Variants in GPC5 observed in about 807,000 individuals in gnomAD.
GPC5 encodes the protein glypican 5.
GPC5 carries 47 observed loss-of-function variants against 53.9 expected under a neutral mutation model. The observed-to-expected ratio is 0.87, with a 90% confidence interval of 0.69 to 1.11. The LOEUF is 1.11. Ranked by LOEUF, GPC5 falls within the 50% of genes most tolerant of loss-of-function variation. GPC5 has a pLI of 0.00. For synonymous variants in GPC5, 286 were observed against 263.3 expected (o/e 1.09, Z -0.84); for missense variants, 748 against 713.1 (o/e 1.05, Z -0.56).
chr13:92,571,773 G>A (rs530034294), intron 7 of GPC5, among the ~76,000 whole-genome samples: 1 of 152,232 alleles, frequency 6.6e-6, no homozygotes, highest in South Asian at 2.1e-4. Context: ...TTACAAAAAT[G>A]TGAGCTTGTA....
In GPC5 at chr13:91,878,481, A is replaced by T. The variant is rs117773962; in HGVS notation, c.1281-29456A>T. Reference sequence around the variant, plus strand: ...AATTAGAACATATTACAATTATTTTATACATAAGATAATTGAGTGATATGG... The same window carrying T: ...AATTAGAACATATTACAATTATTTTTTACATAAGATAATTGAGTGATATGG... On this transcript the variant is annotated intron_variant, in intron 5 of 7. Coordinates refer to ENST00000377067, the MANE Select transcript of GPC5 (RefSeq NM_004466.6). 2.1e-3 allele frequency among the ~76,000 whole-genome samples: 319 copies of T among 152,318 alleles called. 6 individuals are homozygous for T. The East Asian group carries it at 0.058, about 28-fold the overall frequency.
Position 92,527,182 on chromosome 13 carries a change from GAAGAA to G in GPC5, c.1562-339098_1562-339094del, listed in dbSNP as rs1881349145. On this transcript the variant is annotated intron_variant, in intron 7 of 7. Coordinates refer to ENST00000377067, the MANE Select transcript of GPC5 (RefSeq NM_004466.6). ...AAAGAAAGAAAGAAAGAGAAAGAAAGAAGAAAGAAAGAAAGAAAGAAAGAAAGAAA... is the reference window on the plus strand; with the variant it reads ...AAAGAAAGAAAGAAAGAGAAAGAAAGAGAAAGAAAGAAAGAAAGAAAGAAA... Among the ~76,000 whole-genome samples, 4 of 45,102 alleles carry G rather than the reference GAAGAA, an allele frequency of 8.9e-5. 1 individual carries two copies. The highest frequency in any genetic ancestry group is 3.1e-4 in the African/African-American group (4 of 12,874). 29.6% of individuals were successfully genotyped at this position (45,102 alleles called of 152,430 possible).
chr13:92,784,882 A>ATATTTATTATAG, intron 7 of GPC5, among the ~76,000 whole-genome samples: 1 of 152,332 alleles, frequency 6.6e-6, no homozygotes, highest in East Asian at 1.9e-4. Flanking sequence ...TTAAATATGT[A>ATATTTATTATAG]ACACAAATTA....
chr13:92,120,117 A>G (rs1052760293), intron 6 of GPC5, among the ~76,000 whole-genome samples: 2 of 152,232 alleles, frequency 1.3e-5, no homozygotes, highest in African/African-American at 4.8e-5. Flanking sequence ...TTAATTACTC[A>G]TAAGAGGGAA....
chr13:91,928,590 G>A (rs2039791817), intron 6 of GPC5, among the ~76,000 whole-genome samples: 1 of 152,120 alleles, frequency 6.6e-6, no homozygotes, highest in South Asian at 2.1e-4. Flanking sequence ...ATGCTTAACT[G>A]TGCCCAGGGC....
chr13:91,910,113 T>C (rs1225781642), intron 6 of GPC5, among the ~76,000 whole-genome samples: 1 of 152,210 alleles, frequency 6.6e-6, no homozygotes, highest in Non-Finnish European at 1.5e-5. Context: ...AGCAGAAAGT[T>C]ATGTCTTGCA....
In GPC5 at chr13:92,598,977, G is replaced by C. The variant is rs78896923; in HGVS notation, c.1562-267305G>C. On this transcript the variant is annotated intron_variant, in intron 7 of 7. Coordinates refer to ENST00000377067, the MANE Select transcript of GPC5 (RefSeq NM_004466.6). ...TAAACCCTTTAACCTCAAATGCAGAGTATTCCAAAGTTGTGACACTGTATC... is the reference window on the plus strand; with the variant it reads ...TAAACCCTTTAACCTCAAATGCAGACTATTCCAAAGTTGTGACACTGTATC... Among the ~76,000 whole-genome samples, 1,000 of 152,248 alleles carry C rather than the reference G, an allele frequency of 6.6e-3. 12 individuals carry two copies. The highest frequency in any genetic ancestry group is 0.022 in the African/African-American group (919 of 41,540).
intron 5 of GPC5, among the ~76,000 whole-genome samples, chr13:91,798,966 A>C (rs2038091306): frequency 6.6e-6 from 1 of 152,134 alleles, no homozygotes; most frequent in Non-Finnish European, 1.5e-5. Flanking sequence ...TGTATCAGTG[A>C]TGGACTTTTT....
chr13:91,689,897 T>C (rs184948077), intron 2 of GPC5, among the ~76,000 whole-genome samples: 3 of 152,262 alleles, frequency 2.0e-5, no homozygotes, highest in Admixed American at 2.0e-4. Flanking sequence ...ATAAAAAACA[T>C]AGTATGGTAA....
intron 6 of GPC5, among the ~76,000 whole-genome samples, chr13:92,017,009 G>C (rs2040713674): frequency 6.6e-6 from 1 of 152,178 alleles, no homozygotes; most frequent in African/African-American, 2.4e-5. Context: ...GACTTTAGCA[G>C]AGAGGGGAAC....
intron 7 of GPC5, among the ~76,000 whole-genome samples, chr13:92,755,133 C>A (rs1211463509): frequency 6.8e-6 from 1 of 146,606 alleles, no homozygotes; most frequent in Admixed American, 6.9e-5. Context: ...AACTATCTCT[C>A]AGACCACAGT....
At chr13:91,956,310 A>C (rs2139067693) in intron 6 of GPC5, among the ~76,000 whole-genome samples, 1 of 151,980 alleles carries the variant, frequency 6.6e-6, no homozygotes, top group East Asian at 1.9e-4. Context: ...GCTGGCACCC[A>C]CCAGCATGCA....
At position 91,880,017 on chromosome 13, in the gene GPC5, T is replaced by G. The variant is rs113724278; in HGVS notation, c.1281-27920T>G. ...GTAAAATGAACTGAAAGGAAGCCCC[T>G]TCTTATAACTTTATACATATTTCAT... On this transcript the variant is annotated intron_variant, in intron 5 of 7. Coordinates refer to ENST00000377067, the MANE Select transcript of GPC5 (RefSeq NM_004466.6). Among the ~76,000 whole-genome samples, 1,100 of 152,230 alleles carry G rather than the reference T, an allele frequency of 7.2e-3. 10 individuals are homozygous for G. Among genetic ancestry groups the G allele is most frequent in the African/African-American group, 0.025 (1,040 of 41,550 alleles).
intron 6 of GPC5, among the ~76,000 whole-genome samples, chr13:92,134,562 A>G (rs2041768753): frequency 6.6e-6 from 1 of 152,114 alleles, no homozygotes. Flanking sequence ...AATATAATAA[A>G]TAGGACTTAA....
At chr13:92,618,850 C>T (rs1288810116) in intron 7 of GPC5, among the ~76,000 whole-genome samples, 1 of 151,834 alleles carries the variant, frequency 6.6e-6, no homozygotes, top group African/African-American at 2.4e-5. Context: ...TCTCTTATCA[C>T]ATTAATAAGA....
chr13:91,448,953 A>T (rs779920534), intron 2 of GPC5, 31 bp downstream of exon 2: 1 of 1,603,176 alleles, frequency 6.2e-7, no homozygotes, highest in Non-Finnish European at 8.5e-7. Flanking sequence ...GCAACTAAGG[A>T]CTGGCCGTGT....
At chr13:91,931,339 A>G (rs1466602354) in intron 6 of GPC5, among the ~76,000 whole-genome samples, 11 of 152,102 alleles carry the variant, frequency 7.2e-5, no homozygotes, top group Non-Finnish European at 1.5e-4. Context: ...AAATAATTCT[A>G]TTGAAGATAG....
intron 3 of GPC5, among the ~76,000 whole-genome samples, chr13:91,719,969 A>C (rs2036429217): frequency 6.6e-6 from 1 of 152,204 alleles, no homozygotes; most frequent in South Asian, 2.1e-4. Context: ...TTATATGTTT[A>C]AACTGCATGT....
At chr13:91,654,013 A>T (rs1256064056) in intron 2 of GPC5, among the ~76,000 whole-genome samples, 3 of 152,068 alleles carry the variant, frequency 2.0e-5, no homozygotes, top group African/African-American at 7.2e-5. Flanking sequence ...TCAGGTAACC[A>T]TTGTTCTACT....
Sources: allele counts gnomAD v4.1 joint callset (sites outside exome capture counted in the v4.1 genomes callset), GRCh38; gene constraint gnomAD v4.1.1; transcripts MANE v1.5; gene names NCBI Gene and HGNC (gene_info 2026-07-23, HGNC 2026-07-21).